The following ALDOB variants were observed in gnomAD, a reference collection of about 807,000 sequenced individuals.
ALDOB encodes the protein fructose-bisphosphate aldolase B.
Under a neutral mutation model 41.0 loss-of-function variants are expected in ALDOB, and 39 were observed. The observed-to-expected ratio is 0.95, with a 90% CI of 0.74 to 1.24. ALDOB has a LOEUF of 1.24. Ranked by LOEUF, ALDOB falls within the 50% of genes most tolerant of loss-of-function variation. The probability of loss-of-function intolerance (pLI) is 0.00; values close to 1 mark genes in which losing one functional copy is unlikely to be tolerated. For missense variants in ALDOB, 530 were observed against 457.3 expected (o/e 1.16, Z -1.45); for synonymous variants, 175 against 168.8 (o/e 1.04, Z -0.28).
rs777153196 is a variant in ALDOB at position 101,429,835 on chromosome 9, C to T, written c.244G>A (p.Glu82Lys). ...QSIGGVILFH[E>K]TLYQKDSQGK... Reference sequence around the variant, plus strand: ...TGGCTGTCCTTCTGGTAGAGGGTCTCGTGGAAAAGGATCACACCCCCGATG... The same window carrying T: ...TGGCTGTCCTTCTGGTAGAGGGTCTTGTGGAAAAGGATCACACCCCCGATG... The change falls in exon 3 of 9, where the codon GAG (glutamate) becomes AAG (lysine). Residue 82 changes from glutamate to lysine, a missense_variant. Coordinates refer to ENST00000647789, the MANE Select transcript of ALDOB (RefSeq NM_000035.4). 19 of 1,613,922 alleles carry T rather than the reference C, an allele frequency of 1.2e-5. No individual in the cohort carries two copies. The African/African-American group carries it at 1.5e-4, about 12-fold the overall frequency.
At chr9:101,430,023 C>T (rs1413087055) in intron 2 of ALDOB, 57 bp from the exon 3 acceptor site, 1 of 1,434,370 alleles carries the variant, frequency 7.0e-7, no homozygotes, top group Non-Finnish European at 9.8e-7. Context: ...TCCTGTCACC[C>T]TTCTCCACAT....
chr9:101,429,190 G>T (rs1237872503), intron 3 of ALDOB, among the ~76,000 whole-genome samples: 1 of 146,040 alleles, frequency 6.8e-6, no homozygotes, highest in African/African-American at 2.6e-5. Context: ...TTGAGACAGG[G>T]TCATCCAGGC....
intron 1 of ALDOB, among the ~76,000 whole-genome samples, chr9:101,435,043 A>G (rs760480034): frequency 6.6e-6 from 1 of 152,216 alleles, no homozygotes; most frequent in Non-Finnish European, 1.5e-5. Context: ...CTACTATCTT[A>G]AGCTGTAGGG....
Position 101,427,463 on chromosome 9 carries a change from C to G in ALDOB, c.540+19G>C. 6.2e-7 allele frequency: 1 copy of G among 1,614,016 alleles called. No homozygotes were observed. Among genetic ancestry groups the G allele is most frequent in the East Asian group, 2.2e-5 (1 of 44,878 alleles). ...AACTCTAGCCTACTCTTTTTCAGCC[C>G]AAGGGGAAGGCAGAGCACCTGCTGA... On this transcript the variant is annotated intron_variant, in intron 5 of 8. Coordinates refer to ENST00000647789, the MANE Select transcript of ALDOB (RefSeq NM_000035.4).
At position 101,423,983 on chromosome 9, in the gene ALDOB, C is replaced by A. The variant is rs138214768; in HGVS notation, c.999+860G>T. ...TTCTGGGTCTTTTTCTGAAAAACTTCTTGAGTGGGCACCTTTCCTTTCCTC... is the reference window on the plus strand; with the variant it reads ...TTCTGGGTCTTTTTCTGAAAAACTTATTGAGTGGGCACCTTTCCTTTCCTC... On this transcript the variant is annotated intron_variant, in intron 8 of 8. Transcript: ENST00000647789. Among the ~76,000 whole-genome samples, 191 of 152,308 alleles carry A rather than the reference C, an allele frequency of 1.3e-3. 1 individual carries two copies. The highest frequency in any genetic ancestry group is 4.4e-3 in the African/African-American group (181 of 41,562).
chr9:101,423,718 C>T (rs546386481), intron 8 of ALDOB, among the ~76,000 whole-genome samples: 12 of 152,120 alleles, frequency 7.9e-5, no homozygotes, highest in South Asian at 2.1e-4. Flanking sequence ...TCCTGCTCCT[C>T]TAAGTTCTTC....
Position 101,428,499 on chromosome 9 carries a change from C to A in ALDOB, c.349G>T (p.Ala117Ser), listed in dbSNP as rs577734727. ...IKLDQGGAPL[A>S]GTNKETTIQG... is the part of the protein sequence containing the mutation. ...ATGGTGGTTTCTTTGTTTGTTCCTG[C>A]AAGAGGAGCACCTCCTTGGTCTAAC... The change falls in exon 4 of 9, where the codon GCA becomes TCA. Residue 117 changes from alanine (A) to serine (S), a missense_variant. Transcript: ENST00000647789. 3 of 1,614,002 alleles carry A rather than the reference C, an allele frequency of 1.9e-6. No homozygotes were observed. Among genetic ancestry groups the A allele is most frequent in the Admixed American group, 3.3e-5 (2 of 60,018 alleles).
In ALDOB at chr9:101,429,856, C is replaced by G; in HGVS notation, c.223G>C (p.Gly75Arg). 2 of 1,614,112 alleles carry G rather than the reference C, an allele frequency of 1.2e-6. No individual in the cohort carries two copies. The change falls in exon 3 of 9, where the codon GGG (glycine) becomes CGG (arginine). Residue 75 changes from glycine (G) to arginine (R), a missense_variant. Transcript: ENST00000647789. ...SVDSSINQSIGGVILFHETLY... is the reference protein window; with the variant it reads ...SVDSSINQSIRGVILFHETLY... ...GTCTCGTGGAAAAGGATCACACCCC[C>G]GATGCTCTGGTTGATGGAACTGTCC...
intron 1 of ALDOB, among the ~76,000 whole-genome samples, chr9:101,431,345 G>T (rs1296346056): frequency 6.6e-6 from 1 of 152,186 alleles, no homozygotes; most frequent in African/African-American, 2.4e-5. Context: ...TTAGTCTGTA[G>T]TTCCAACAGA....
chr9:101,423,471 C>T (rs193295385), intron 8 of ALDOB, among the ~76,000 whole-genome samples: 31 of 152,274 alleles, frequency 2.0e-4, no homozygotes, highest in African/African-American at 7.0e-4. Context: ...CCATAACGTC[C>T]GATCAATTTC....
chr9:101,426,445 C>T (rs1348148368), intron 6 of ALDOB, 110 bp downstream of exon 6: 1 of 760,098 alleles, frequency 1.3e-6, no homozygotes, highest in Admixed American at 1.9e-5. Flanking sequence ...TCTATGCTAT[C>T]CATCCTAAAG....
At chr9:101,422,053 CCCCTTCTAT>C in intron 8 of ALDOB, 149 bp from the exon 9 acceptor site, 1 of 719,360 alleles carries the variant, frequency 1.4e-6, no homozygotes, top group Non-Finnish European at 2.5e-6. Flanking sequence ...GGGATACCAT[CCCCTTCTAT>C]AAAGTATCTC....
At chr9:101,427,753 T>C in intron 4 of ALDOB, 111 bp from the exon 5 acceptor site, 1 of 1,354,036 alleles carries the variant, frequency 7.4e-7, no homozygotes, top group Non-Finnish European at 1.0e-6. Context: ...TCCACTGTGC[T>C]TGAGGATTGA....
Position 101,426,611 on chromosome 9 carries a change from C to T in ALDOB, c.568G>A (p.Glu190Lys). The T allele has an allele frequency of 3.1e-6, 5 of 1,612,112 alleles. No homozygotes were observed. Among genetic ancestry groups the T allele is most frequent in the Non-Finnish European group, 4.2e-6 (5 of 1,178,152 alleles). Residue 190 changes from glutamate to lysine, a missense_variant, in exon 6 of 9, where the codon GAG becomes AAG. Glu to Lys is a moderately conservative substitution (Grantham distance 56). Transcript: ENST00000647789. Reference sequence around the variant, plus strand: ...TCATGGTCTCCATCAGGAATTACCTCTGGTTCAACAATAGGTACCAGTCCA... The same window carrying T: ...TCATGGTCTCCATCAGGAATTACCTTTGGTTCAACAATAGGTACCAGTCCA... ...QNGLVPIVEPEVIPDGDHDLE... is the reference protein window; with the variant it reads ...QNGLVPIVEPKVIPDGDHDLE...
intron 1 of ALDOB, among the ~76,000 whole-genome samples, chr9:101,432,327 C>T (rs1157997893): frequency 6.6e-6 from 1 of 152,138 alleles, no homozygotes; most frequent in Non-Finnish European, 1.5e-5. Flanking sequence ...CCTTCTAAGG[C>T]CCATTATGTC....
chr9:101,435,132 G>T (rs1454470905), intron 1 of ALDOB, among the ~76,000 whole-genome samples: 1 of 152,144 alleles, frequency 6.6e-6, no homozygotes, highest in Non-Finnish European at 1.5e-5. Context: ...ATAATCAAAT[G>T]ATGACTATGC....
At position 101,428,508 on chromosome 9, in the gene ALDOB, C is replaced by G. The variant is rs1357254588; in HGVS notation, c.340G>C (p.Ala114Pro). ...TCTTTGTTTGTTCCTGCAAGAGGAG[C>G]ACCTCCTTGGTCTAACTGTGGATAC... is the stretch of plus-strand genomic sequence containing the variant. The part of the protein sequence containing the change: ...VVGIKLDQGG[A>P]PLAGTNKETT... The change falls in exon 4 of 9, where the codon GCT becomes CCT. Residue 114 changes from alanine (A) to proline (P), a missense_variant. Physicochemically the swap from Ala to Pro is conservative, Grantham distance 27. Transcript: ENST00000647789. 6.8e-6 allele frequency: 11 copies of G among 1,613,856 alleles called. No homozygotes were observed. Among genetic ancestry groups the G allele is most frequent in the African/African-American group, 1.3e-5 (1 of 74,926 alleles).
intron 3 of ALDOB, 96 bp downstream of exon 3, chr9:101,429,659 T>C (rs1831185065): frequency 2.7e-6 from 3 of 1,131,244 alleles, no homozygotes; most frequent in Non-Finnish European, 4.1e-6. Context: ...AGAAATTTGA[T>C]GAGGAGAATG....
chr9:101,424,234 A>G lies in ALDOB; in HGVS notation c.999+609T>C, dbSNP rs575784657. On this transcript the variant is annotated intron_variant, in intron 8 of 8. Coordinates refer to ENST00000647789, the MANE Select transcript of ALDOB (RefSeq NM_000035.4). Reference sequence around the variant, plus strand: ...GGAGTTTGAGACTAGCCTGGCCAACATGGTGAAACCCCATCTTTACTAAAA... The same window carrying G: ...GGAGTTTGAGACTAGCCTGGCCAACGTGGTGAAACCCCATCTTTACTAAAA... 4.6e-5 allele frequency among the ~76,000 whole-genome samples: 7 copies of G among 152,276 alleles called. No homozygotes were observed. In the East Asian group the frequency reaches 1.4e-3, roughly 29 times the overall value.
Sources: allele counts gnomAD v4.1 joint callset (sites outside exome capture counted in the v4.1 genomes callset), GRCh38; gene constraint gnomAD v4.1.1; transcripts MANE v1.5; gene names NCBI Gene and HGNC (gene_info 2026-07-23, HGNC 2026-07-21).